Variants in UNC13C observed in about 807,000 individuals in gnomAD.
UNC13C encodes the protein unc-13 homolog C.
In UNC13C, 174 loss-of-function variants were observed where a neutral mutation model predicts 245.4. The observed-to-expected ratio is 0.71, with a 90% CI of 0.63 to 0.80. The LOEUF is 0.80. UNC13C is among the 30% of genes least tolerant of loss of function. UNC13C has a pLI of 0.00. For missense variants in UNC13C, 2,829 were observed against 2,602.9 expected (o/e 1.09, Z -1.89); for synonymous variants, 992 against 895.1 (o/e 1.11, Z -1.93).
chr15:53,989,271 C>G (rs1894277691), intron 1 of UNC13C, among the ~76,000 whole-genome samples: 1 of 151,710 alleles, frequency 6.6e-6, no homozygotes, highest in South Asian at 2.1e-4. Flanking sequence ...GGTTATGCAA[C>G]CTCAATTACA....
At chr15:54,268,020 A>G (rs2036590466) in intron 10 of UNC13C, among the ~76,000 whole-genome samples, 1 of 151,866 alleles carries the variant, frequency 6.6e-6, no homozygotes, top group Non-Finnish European at 1.5e-5. Flanking sequence ...ATAGGTATAC[A>G]TGTTCCATGG....
Position 54,250,306 on chromosome 15 carries a change from A to G in UNC13C, c.3310A>G (p.Thr1104Ala), listed in dbSNP as rs1390168125. ...STIPHNFEVW[T>A]ATTPTYCYEC... ...CATCCCACACAATTTTGAGGTCTGG[A>G]CGGCTACCACACCCACCTACTGTTA... is the stretch of plus-strand genomic sequence containing the variant. The change falls in exon 8 of 33, where the codon ACG becomes GCG. Residue 1104 changes from threonine (T) to alanine (A), a missense_variant. Thr to Ala is a moderately conservative substitution (Grantham distance 58, BLOSUM62 0). Transcript: ENST00000260323. The G allele has an allele frequency of 6.2e-7, 1 of 1,613,862 alleles. No individual in the cohort carries two copies. Among genetic ancestry groups the G allele is most frequent in the Non-Finnish European group, 8.5e-7 (1 of 1,179,848 alleles).
At chr15:54,358,092 A>G (rs1232261559) in intron 17 of UNC13C, among the ~76,000 whole-genome samples, 5 of 151,940 alleles carry the variant, frequency 3.3e-5, no homozygotes, top group Admixed American at 2.0e-4. Context: ...TCCCCGGTGT[A>G]TATTCTTTCC....
At chr15:54,437,000 C>T (rs6493682) in intron 19 of UNC13C, among the ~76,000 whole-genome samples, 85,635 of 151,652 alleles carry the variant, frequency 0.56, 24,341 homozygotes, top group East Asian at 0.79. Flanking sequence ...ACCCTGTTAG[C>T]CCATAGCCTG....
intron 19 of UNC13C, among the ~76,000 whole-genome samples, chr15:54,474,410 T>C (rs1430750710): frequency 6.6e-6 from 1 of 152,080 alleles, no homozygotes; most frequent in Non-Finnish European, 1.5e-5. Context: ...TTGATTTGCA[T>C]TGCCTTGATG....
intron 2 of UNC13C, among the ~76,000 whole-genome samples, chr15:54,043,271 G>A (rs1298873795): frequency 6.6e-6 from 1 of 152,168 alleles, no homozygotes; most frequent in Non-Finnish European, 1.5e-5. Context: ...AGATCACTAT[G>A]CAACAGACAG....
intron 1 of UNC13C, among the ~76,000 whole-genome samples, chr15:53,997,489 G>A (rs1033765312): frequency 2.6e-5 from 4 of 151,964 alleles, no homozygotes; most frequent in South Asian, 2.1e-4. Flanking sequence ...TTTAGTTTGC[G>A]TTAACATTCT....
chr15:54,439,517 TC>T (rs1326088138), intron 19 of UNC13C, among the ~76,000 whole-genome samples: 1 of 152,008 alleles, frequency 6.6e-6, no homozygotes, highest in African/African-American at 2.4e-5. Flanking sequence ...ATTACCAAGA[TC>T]CTACAATCCT....
At chr15:54,576,714 C>T (rs1897969939) in intron 30 of UNC13C, among the ~76,000 whole-genome samples, 1 of 152,180 alleles carries the variant, frequency 6.6e-6, no homozygotes, top group Admixed American at 6.5e-5. Context: ...TCTCCCTCTT[C>T]TCCCCTCTTG....
intron 2 of UNC13C, chr15:54,049,197 A>AT (rs1897168411): frequency 8.5e-6 from 4 of 468,158 alleles, no homozygotes; most frequent in Non-Finnish European, 4.1e-6. Flanking sequence ...GAAAAAGATT[A>AT]TTTTTTCATC....
At chr15:54,167,621 A>G (rs1255244639) in intron 4 of UNC13C, among the ~76,000 whole-genome samples, 105 of 149,346 alleles carry the variant, frequency 7.0e-4, no homozygotes, top group Non-Finnish European at 1.2e-3. Context: ...AAAAAAAAAA[A>G]AAAGAAACAA....
intron 2 of UNC13C, among the ~76,000 whole-genome samples, chr15:54,113,601 T>C (rs1342030793): frequency 6.6e-6 from 1 of 151,924 alleles, no homozygotes; most frequent in African/African-American, 2.4e-5. Flanking sequence ...CCGAGGCGGG[T>C]GGATCATGAA....
the UNC13C span, among the ~76,000 whole-genome samples, chr15:53,959,899 T>C: frequency 1.3e-5 from 2 of 152,212 alleles, no homozygotes; most frequent in African/African-American, 4.8e-5. Flanking sequence ...AGCAGATTTT[T>C]ACAAATCGCA....
At chr15:54,439,941 C>G (rs1167448580) in intron 19 of UNC13C, among the ~76,000 whole-genome samples, 1 of 151,988 alleles carries the variant, frequency 6.6e-6, no homozygotes, top group African/African-American at 2.4e-5. Flanking sequence ...CACCCCCACT[C>G]CTACCCATAC....
intron 14 of UNC13C, among the ~76,000 whole-genome samples, chr15:54,327,583 T>G (rs1001487735): frequency 6.6e-6 from 1 of 152,078 alleles, no homozygotes; most frequent in Non-Finnish European, 1.5e-5. Flanking sequence ...CAAACTTTAT[T>G]CAAGACTATT....
intron 1 of UNC13C, among the ~76,000 whole-genome samples, chr15:54,000,198 T>C (rs1404366986): frequency 6.6e-6 from 1 of 152,072 alleles, no homozygotes; most frequent in Non-Finnish European, 1.5e-5. Flanking sequence ...TCAAGAAATG[T>C]CATAAAGATA....
intron 7 of UNC13C, among the ~76,000 whole-genome samples, chr15:54,238,054 T>C (rs2035751681): frequency 6.7e-6 from 1 of 149,490 alleles, no homozygotes. Context: ...AATGATTAAT[T>C]TCCTCCTCAG....
At chr15:54,237,311 C>A (rs1299972028) in intron 6 of UNC13C, among the ~76,000 whole-genome samples, 1 of 152,046 alleles carries the variant, frequency 6.6e-6, no homozygotes, top group Non-Finnish European at 1.5e-5. Flanking sequence ...GTTTGAGAAG[C>A]CTCTTGCTAG....
chr15:54,221,911 G>T (rs2035238411), intron 4 of UNC13C, among the ~76,000 whole-genome samples: 1 of 151,908 alleles, frequency 6.6e-6, no homozygotes, highest in African/African-American at 2.4e-5. Context: ...ATTTTTATTT[G>T]AAAAATTTGC....
Sources: allele counts gnomAD v4.1 joint callset (sites outside exome capture counted in the v4.1 genomes callset), GRCh38; gene constraint gnomAD v4.1.1; transcripts MANE v1.5; gene names NCBI Gene and HGNC (gene_info 2026-07-23, HGNC 2026-07-21).